RASSF8: variants seen among roughly 807,000 people sequenced by gnomAD.
The protein encoded by RASSF8 is ras association domain-containing protein 8.
Under a neutral mutation model 48.5 loss-of-function variants are expected in RASSF8, and 22 were observed. That is an observed-to-expected ratio of 0.45 (90% CI 0.32 to 0.65). RASSF8 has a LOEUF of 0.65. RASSF8 is among the 30% of genes least tolerant of loss of function. The pLI is 0.03. For synonymous variants in RASSF8, 127 were observed against 171.5 expected (o/e 0.74, Z 2.03); for missense variants, 418 against 489.2 (o/e 0.85, Z 1.37).
chr12:26,047,848 T>C (rs908735198), intron 2 of RASSF8, among the ~76,000 whole-genome samples: 7 of 152,210 alleles, frequency 4.6e-5, no homozygotes, highest in Admixed American at 4.6e-4. Flanking sequence ...TAGTACTTAC[T>C]GACCCTGGGG....
intron 1 of RASSF8, among the ~76,000 whole-genome samples, chr12:25,976,391 G>C (rs1941605680): frequency 6.6e-6 from 1 of 151,642 alleles, no homozygotes; most frequent in African/African-American, 2.4e-5. Context: ...CCACACCAGC[G>C]GAGTCTTGGT....
intron 1 of RASSF8, among the ~76,000 whole-genome samples, chr12:25,963,915 A>G (rs1256934089): frequency 6.6e-6 from 1 of 151,794 alleles, no homozygotes; most frequent in African/African-American, 2.4e-5. Context: ...ACATTTCCCC[A>G]CTCCTGATTT....
At chr12:25,981,022 T>C (rs1052693461) in intron 1 of RASSF8, among the ~76,000 whole-genome samples, 2 of 152,140 alleles carry the variant, frequency 1.3e-5, no homozygotes, top group African/African-American at 4.8e-5. Context: ...CTGAGGCAGT[T>C]GCTTTATTAA....
intron 2 of RASSF8, among the ~76,000 whole-genome samples, chr12:26,004,468 A>C (rs931996651): frequency 2.6e-5 from 4 of 152,188 alleles, no homozygotes; most frequent in Non-Finnish European, 5.9e-5. Context: ...AGAACTCTGC[A>C]TATAACTCTT....
At chr12:25,977,744 A>G (rs1431072479) in intron 1 of RASSF8, among the ~76,000 whole-genome samples, 1 of 152,114 alleles carries the variant, frequency 6.6e-6, no homozygotes, top group Non-Finnish European at 1.5e-5. Flanking sequence ...TTGGCCTTTT[A>G]AAAATTACCA....
At position 25,958,862 on chromosome 12, in the gene RASSF8, C is replaced by T. The variant is rs1359541111; in HGVS notation, c.-489C>T. On this transcript the variant is annotated 5_prime_UTR_variant, in exon 1 of 6. Coordinates refer to ENST00000689635, the MANE Select transcript of RASSF8 (RefSeq NM_001394098.1). ...GCGGCGTTGGCGCTGGGGGCGGCTCCCGCGGCGTCTCTGCCGCTGGCCGAG... is the reference window on the plus strand; with the variant it reads ...GCGGCGTTGGCGCTGGGGGCGGCTCTCGCGGCGTCTCTGCCGCTGGCCGAG... The T allele has an allele frequency of 2.0e-5, 3 of 147,128 alleles. No homozygotes were observed. Among genetic ancestry groups the T allele is most frequent in the Non-Finnish European group, 4.5e-5 (3 of 66,072 alleles). The allele number at this position is 147,128 out of a possible 1,614,324, so 9.1% of individuals were successfully genotyped here.
intron 2 of RASSF8, among the ~76,000 whole-genome samples, chr12:26,004,885 G>T (rs544703593): frequency 1.3e-5 from 2 of 152,106 alleles, no homozygotes; most frequent in East Asian, 3.9e-4. Context: ...AAAATGAGGT[G>T]GTTCATGCTT....
chr12:26,047,413 G>A (rs1417806537), intron 2 of RASSF8, among the ~76,000 whole-genome samples: 15 of 151,846 alleles, frequency 9.9e-5, no homozygotes. Flanking sequence ...TCTTGAGAGG[G>A]GCAACTCCCT....
chr12:26,035,941 A>G (rs1441487294), intron 2 of RASSF8, among the ~76,000 whole-genome samples: 1 of 145,918 alleles, frequency 6.9e-6, no homozygotes, highest in African/African-American at 2.5e-5. Flanking sequence ...TATATTTCAT[A>G]TATTTTTATA....
intron 1 of RASSF8, among the ~76,000 whole-genome samples, chr12:25,980,466 T>A (rs1941714747): frequency 6.6e-6 from 1 of 152,242 alleles, no homozygotes; most frequent in East Asian, 1.9e-4. Flanking sequence ...CACCAAACAC[T>A]GGAATTCCAG....
At chr12:26,030,555 G>A (rs1022697991) in intron 2 of RASSF8, among the ~76,000 whole-genome samples, 4 of 152,174 alleles carry the variant, frequency 2.6e-5, no homozygotes, top group Non-Finnish European at 5.9e-5. Context: ...CTGCAGTGCT[G>A]TTACTAATGC....
At chr12:26,022,158 G>A (rs1942801456) in intron 2 of RASSF8, among the ~76,000 whole-genome samples, 1 of 152,146 alleles carries the variant, frequency 6.6e-6, no homozygotes, top group Non-Finnish European at 1.5e-5. Flanking sequence ...GCTGGGAATT[G>A]GTTGAGCTAC....
intron 2 of RASSF8, among the ~76,000 whole-genome samples, chr12:26,047,189 A>G (rs1943390523): frequency 6.6e-6 from 1 of 152,168 alleles, no homozygotes; most frequent in Non-Finnish European, 1.5e-5. Flanking sequence ...CCTTTTTATA[A>G]TACTGCAGCA....
intron 1 of RASSF8, among the ~76,000 whole-genome samples, chr12:25,970,249 C>T (rs962832113): frequency 2.0e-5 from 3 of 152,046 alleles, no homozygotes; most frequent in Non-Finnish European, 2.9e-5. Context: ...GCTGAATGTC[C>T]GGATCTGTGC....
intron 2 of RASSF8, among the ~76,000 whole-genome samples, chr12:25,999,602 C>T (rs561603995): frequency 8.5e-5 from 13 of 152,230 alleles, no homozygotes; most frequent in African/African-American, 3.1e-4. Context: ...AGGATTGCAA[C>T]CTGTAGTTCC....
At chr12:26,041,640 T>C (rs894707390) in intron 2 of RASSF8, among the ~76,000 whole-genome samples, 4 of 151,886 alleles carry the variant, frequency 2.6e-5, no homozygotes, top group Non-Finnish European at 2.9e-5. Flanking sequence ...TATATATATA[T>C]ACACACACAT....
chr12:26,015,476 TTATGTCAAAATA>T (rs1332025971), intron 2 of RASSF8, among the ~76,000 whole-genome samples: 1 of 152,178 alleles, frequency 6.6e-6, no homozygotes, highest in Non-Finnish European at 1.5e-5. Flanking sequence ...AGAAAATAGT[TTATGTCAAAATA>T]TTTTTCCGTT....
chr12:26,078,678 C>T (rs1021989787), intron 5 of RASSF8, among the ~76,000 whole-genome samples: 1 of 152,182 alleles, frequency 6.6e-6, no homozygotes, highest in Non-Finnish European at 1.5e-5. Context: ...AGATGTCCTT[C>T]TATGAATAGA....
intron 2 of RASSF8, among the ~76,000 whole-genome samples, chr12:26,054,443 C>T (rs1483096756): frequency 6.6e-6 from 1 of 152,188 alleles, no homozygotes; most frequent in African/African-American, 2.4e-5. Context: ...TTGAATAACT[C>T]TTGTAATTTA....
Sources: gnomAD v4.1 joint callset for allele counts (sites outside exome capture counted in the v4.1 genomes callset) on GRCh38, gnomAD v4.1.1 for gene constraint, MANE v1.5 for transcripts, NCBI Gene and HGNC (gene_info 2026-07-23, HGNC 2026-07-21) for gene names.